The following PREX2 variants were observed in gnomAD, a reference collection of about 807,000 sequenced individuals.
PREX2 encodes the protein phosphatidylinositol-3,4,5-trisphosphate dependent Rac exchange factor 2, also known as phosphatidylinositol 3,4,5-trisphosphate-dependent Rac exchanger 2 protein.
Under a neutral mutation model 203.2 loss-of-function variants are expected in PREX2, and 107 were observed. The observed-to-expected ratio is 0.53, with a 90% CI of 0.45 to 0.62. The LOEUF (loss-of-function observed/expected upper bound fraction) is 0.62, where lower values mean the gene tolerates loss of function less well. PREX2 is among the 20% of genes least tolerant of loss of function. The pLI, the probability that PREX2 is intolerant of heterozygous loss-of-function variation, is 0.00. For missense variants in PREX2, 1,777 were observed against 1,955.9 expected (o/e 0.91, Z 1.72); for synonymous variants, 672 against 663.6 (o/e 1.01, Z -0.19).
At chr8:68,144,291 C>G (rs917138191) in intron 33 of PREX2, among the ~76,000 whole-genome samples, 1 of 152,102 alleles carries the variant, frequency 6.6e-6, no homozygotes, top group East Asian at 1.9e-4. Flanking sequence ...AGAAATGACA[C>G]CTTGACAATA....
At chr8:67,966,801 T>A (rs1436024322) in intron 1 of PREX2, among the ~76,000 whole-genome samples, 1 of 152,212 alleles carries the variant, frequency 6.6e-6, no homozygotes, top group Non-Finnish European at 1.5e-5. Context: ...AATCCAGATA[T>A]TTTTATTCTT....
At chr8:68,048,061 G>A (rs79601791) in intron 8 of PREX2, among the ~76,000 whole-genome samples, 2,258 of 152,094 alleles carry the variant, frequency 0.015, 49 homozygotes, top group African/African-American at 0.052. Flanking sequence ...GTCTGTCCAT[G>A]TTATTAATTA....
At chr8:68,094,783 C>T (rs1810004474) in intron 21 of PREX2, among the ~76,000 whole-genome samples, 1 of 152,192 alleles carries the variant, frequency 6.6e-6, no homozygotes, top group Non-Finnish European at 1.5e-5. Flanking sequence ...TCCTACAATT[C>T]AATTTAGTTG....
At chr8:68,146,381 A>G (rs764407237) in intron 34 of PREX2, 29 bp downstream of exon 34, 46 of 1,553,742 alleles carry the variant, frequency 3.0e-5, no homozygotes, top group African/African-American at 1.2e-4. Flanking sequence ...GATGGCTGCT[A>G]TACTTTAATT....
intron 31 of PREX2, among the ~76,000 whole-genome samples, chr8:68,133,437 T>A (rs1811047755): frequency 6.6e-6 from 1 of 152,118 alleles, no homozygotes; most frequent in Non-Finnish European, 1.5e-5. Flanking sequence ...ACTATAAATA[T>A]ATTACTTATT....
rs376789565 is a variant in PREX2, at chr8:68,040,184, A to G, written c.839+1892A>G. Among the ~76,000 whole-genome samples, 26 of 152,234 alleles carry G rather than the reference A, an allele frequency of 1.7e-4. No homozygotes were observed. In the East Asian group the frequency reaches 5.0e-3, roughly 29 times the overall value. On this transcript the variant is annotated intron_variant, in intron 7 of 39. Transcript: ENST00000288368. ...ATTGGCACTATAGGCGCATGCTGCC[A>G]CATGCAGTTGATTTTGTTTTTCAGT...
At chr8:67,962,830 A>G (rs1156884060) in intron 1 of PREX2, among the ~76,000 whole-genome samples, 2 of 151,190 alleles carry the variant, frequency 1.3e-5, no homozygotes, top group Non-Finnish European at 3.0e-5. Context: ...CTGCTCTCGA[A>G]CTCCTGACCT....
At chr8:68,127,450 A>G (rs756943766) in intron 31 of PREX2, 31 bp downstream of exon 31, 4 of 1,516,826 alleles carry the variant, frequency 2.6e-6, no homozygotes, top group Admixed American at 1.7e-5. Context: ...TTTTTTTACT[A>G]TTTAAGTGAT....
chr8:68,129,886 C>CA (rs3056769), intron 31 of PREX2, among the ~76,000 whole-genome samples: 1 of 147,766 alleles, frequency 6.8e-6, no homozygotes, highest in East Asian at 2.0e-4. Context: ...CAATAGTAAG[C>CA]AAAAAAAAAA....
intron 2 of PREX2, 147 bp from the exon 3 acceptor site, chr8:68,019,402 A>C: frequency 3.5e-6 from 2 of 571,642 alleles, no homozygotes; most frequent in South Asian, 6.0e-5. Context: ...GTGAAGGGGA[A>C]GTCCAGACAA....
intron 30 of PREX2, among the ~76,000 whole-genome samples, chr8:68,124,261 G>A (rs765682516): frequency 3.3e-5 from 5 of 152,064 alleles, no homozygotes; most frequent in Non-Finnish European, 5.9e-5. Flanking sequence ...GTGGTAGACT[G>A]GATAAAGAAA....
At chr8:68,060,133 G>A (rs953123171) in intron 10 of PREX2, among the ~76,000 whole-genome samples, 1 of 152,218 alleles carries the variant, frequency 6.6e-6, no homozygotes, top group Non-Finnish European at 1.5e-5. Context: ...TCTTGGTGTG[G>A]TGGGAGGGCA....
At chr8:68,021,134 G>C (rs546965975) in intron 3 of PREX2, among the ~76,000 whole-genome samples, 2 of 152,228 alleles carry the variant, frequency 1.3e-5, no homozygotes, top group Admixed American at 1.3e-4. Flanking sequence ...AAATCCTCTT[G>C]TTTTAAAAGA....
chr8:67,977,981 C>T, intron 1 of PREX2, among the ~76,000 whole-genome samples: 1 of 152,152 alleles, frequency 6.6e-6, no homozygotes, highest in Non-Finnish European at 1.5e-5. Context: ...GTTAGCTGCT[C>T]TCACAAACTA....
At chr8:67,981,495 C>G (rs1456588357) in intron 1 of PREX2, among the ~76,000 whole-genome samples, 1 of 152,094 alleles carries the variant, frequency 6.6e-6, no homozygotes, top group Admixed American at 6.6e-5. Context: ...AGATAGAAGT[C>G]CAGGGAGGTA....
intron 1 of PREX2, among the ~76,000 whole-genome samples, chr8:67,995,615 C>T (rs193077963): frequency 1.3e-5 from 2 of 152,234 alleles, no homozygotes; most frequent in Admixed American, 6.5e-5. Context: ...TAAATATTTA[C>T]TTCATCATTT....
At chr8:68,018,011 G>C (rs544884661) in intron 2 of PREX2, 94 bp downstream of exon 2, 1 of 861,128 alleles carries the variant, frequency 1.2e-6, no homozygotes, top group African/African-American at 1.7e-5. Flanking sequence ...TCAGTTGATC[G>C]GCAGTTCCAC....
intron 35 of PREX2, among the ~76,000 whole-genome samples, chr8:68,168,354 C>T (rs937700401): frequency 5.9e-5 from 9 of 152,168 alleles, no homozygotes; most frequent in Admixed American, 5.9e-4. Context: ...AATATATACT[C>T]ATATCAAACA....
At chr8:68,019,710 C>G in intron 3 of PREX2, 39 bp downstream of exon 3, 1 of 1,575,536 alleles carries the variant, frequency 6.3e-7, no homozygotes, top group Non-Finnish European at 8.6e-7. Context: ...GTTCTTTTCC[C>G]CTAGATTTTG....
Sources: allele counts gnomAD v4.1 joint callset (sites outside exome capture counted in the v4.1 genomes callset), GRCh38; gene constraint gnomAD v4.1.1; transcripts MANE v1.5; gene names NCBI Gene and HGNC (gene_info 2026-07-23, HGNC 2026-07-21).